Variants in RBMS3 observed in about 807,000 individuals in gnomAD.
RBMS3 encodes RNA-binding motif, single-stranded-interacting protein 3.
In RBMS3, 27 loss-of-function variants were observed where a neutral mutation model predicts 66.8. That is an observed-to-expected ratio of 0.40 (90% CI 0.30 to 0.56). The LOEUF (loss-of-function observed/expected upper bound fraction) is 0.56. Ranked by LOEUF, RBMS3 falls within the 20% of genes least tolerant of loss-of-function variation. RBMS3 has a pLI of 0.40. For missense variants in RBMS3, 513 were observed against 549.5 expected (o/e 0.93, Z 0.66); for synonymous variants, 188 against 183.0 (o/e 1.03, Z -0.22).
intron 1 of RBMS3, among the ~76,000 whole-genome samples, chr3:29,415,635 C>G (rs1197778542): frequency 6.6e-6 from 1 of 152,090 alleles, no homozygotes; most frequent in African/African-American, 2.4e-5. Flanking sequence ...AATTTGGAGA[C>G]AGTTACCTTA....
At chr3:29,438,468 C>T (rs2041485230) in intron 2 of RBMS3, among the ~76,000 whole-genome samples, 1 of 152,012 alleles carries the variant, frequency 6.6e-6, no homozygotes. Flanking sequence ...TGCATTATTT[C>T]TAAATATATA....
In RBMS3 at chr3:29,880,938, G is replaced by A. The variant is rs747868523; in HGVS notation, c.745-3224G>A. On this transcript the variant is annotated intron_variant, in intron 7 of 14. Transcript: ENST00000383767. ...ACTCATTCCTCTGGATTTACCCTCT[G>A]TTTTCCAGGGAGCTCATGCTAACTC... 80 of 1,074,608 alleles carry A rather than the reference G, an allele frequency of 7.4e-5. No homozygotes were observed. In the Middle Eastern group the frequency reaches 1.8e-3, roughly 24 times the overall value. The allele number at this position is 1,074,608 out of a possible 1,614,324, so 66.6% of individuals were successfully genotyped here.
At chr3:29,493,942 T>C (rs959683391) in intron 3 of RBMS3, among the ~76,000 whole-genome samples, 1 of 152,156 alleles carries the variant, frequency 6.6e-6, no homozygotes, top group African/African-American at 2.4e-5. Context: ...AGGACACAAA[T>C]TGGATTTGGT....
In RBMS3 at chr3:29,734,664, T is replaced by A. The variant is rs74622290; in HGVS notation, c.400-5056T>A. Among the ~76,000 whole-genome samples the A allele has an allele frequency of 2.9e-3, 442 of 152,204 alleles. 5 individuals carry two copies. The highest frequency in any genetic ancestry group is 0.01 in the African/African-American group (423 of 41,542). On this transcript the variant is annotated intron_variant, in intron 4 of 14. Transcript: ENST00000383767. Reference sequence around the variant, plus strand: ...GTAGGAATATATTCCCATAAAGCAGTTCTACTCAAAGTTTGTTACTTGATA... The same window carrying A: ...GTAGGAATATATTCCCATAAAGCAGATCTACTCAAAGTTTGTTACTTGATA...
At chr3:29,610,256 C>T (rs1446613306) in intron 4 of RBMS3, among the ~76,000 whole-genome samples, 1 of 151,982 alleles carries the variant, frequency 6.6e-6, no homozygotes, top group Non-Finnish European at 1.5e-5. Context: ...CAAACATCAG[C>T]TAGAAACAGT....
intron 6 of RBMS3, 105 bp downstream of exon 6, chr3:29,763,094 G>GTTTGCTT: frequency 1.4e-6 from 1 of 717,274 alleles, no homozygotes; most frequent in South Asian, 2.1e-5. Context: ...GAGTTGGGGG[G>GTTTGCTT]TTTGCTTTTC....
intron 4 of RBMS3, among the ~76,000 whole-genome samples, chr3:29,594,018 C>T (rs1353900399): frequency 1.3e-5 from 2 of 152,166 alleles, no homozygotes; most frequent in South Asian, 2.1e-4. Flanking sequence ...AATCACGTGA[C>T]ATTTGAACAT....
At chr3:29,462,383 G>A (rs1575886974) in intron 2 of RBMS3, among the ~76,000 whole-genome samples, 1 of 152,212 alleles carries the variant, frequency 6.6e-6, no homozygotes, top group East Asian at 1.9e-4. Context: ...CTGCTTTCTT[G>A]CATGTACATT....
intron 2 of RBMS3, among the ~76,000 whole-genome samples, chr3:29,451,726 T>G (rs2042023787): frequency 6.6e-6 from 1 of 152,184 alleles, no homozygotes; most frequent in East Asian, 1.9e-4. Flanking sequence ...TGCTTATTCA[T>G]TTATGCCTAC....
At chr3:29,521,247 C>T (rs568216930) in intron 3 of RBMS3, among the ~76,000 whole-genome samples, 4 of 152,278 alleles carry the variant, frequency 2.6e-5, no homozygotes, top group South Asian at 2.1e-4. Context: ...ACCCACAGAA[C>T]TTATGAACCC....
chr3:29,288,441 A>G (rs2032541858), intron 1 of RBMS3, among the ~76,000 whole-genome samples: 1 of 152,058 alleles, frequency 6.6e-6, no homozygotes, highest in African/African-American at 2.4e-5. Flanking sequence ...GGAGTGGAAC[A>G]AAATGACAGC....
At chr3:29,339,289 A>G (rs2036141598) in intron 1 of RBMS3, among the ~76,000 whole-genome samples, 1 of 152,184 alleles carries the variant, frequency 6.6e-6, no homozygotes, top group Admixed American at 6.6e-5. Context: ...GACAAATGGC[A>G]TTTACAAATG....
rs1372934249 is a variant in RBMS3, at chr3:29,372,343, A to T, written c.76-62400A>T. On this transcript the variant is annotated intron_variant, in intron 1 of 14. Transcript: ENST00000383767. ...GACTCTGTCTCAAAAAAAAAGAAAA[A>T]AGTTTACCAAAGCATTGATTTTATT... 4.6e-5 allele frequency among the ~76,000 whole-genome samples: 7 copies of T among 152,172 alleles called. No individual in the cohort carries two copies. The Middle Eastern group carries it at 0.01, about 222-fold the overall frequency.
intron 1 of RBMS3, among the ~76,000 whole-genome samples, chr3:29,363,516 G>A (rs1024444836): frequency 3.3e-5 from 5 of 152,238 alleles, no homozygotes; most frequent in East Asian, 1.9e-4. Flanking sequence ...TTTGCCGGGC[G>A]TGGTGGCTCA....
intron 1 of RBMS3, chr3:29,290,753 C>T (rs1215213494): frequency 6.6e-6 from 1 of 151,696 alleles, no homozygotes; most frequent in South Asian, 2.1e-4. Context: ...TGTTGTTGAG[C>T]TGGAAAAACA....
intron 10 of RBMS3, chr3:29,924,755 A>T (rs1018296614): frequency 6.6e-6 from 1 of 152,654 alleles, no homozygotes; most frequent in African/African-American, 2.4e-5. Context: ...GAATCGCTTG[A>T]ACCTGGGAGG....
At chr3:29,739,313 G>A (rs993126481) in intron 4 of RBMS3, among the ~76,000 whole-genome samples, 1 of 151,986 alleles carries the variant, frequency 6.6e-6, no homozygotes, top group Admixed American at 6.5e-5. Flanking sequence ...AAAATTAGCT[G>A]GGCGTGGTGG....
intron 3 of RBMS3, 125 bp from the exon 4 acceptor site, chr3:29,586,989 T>C (rs1306702598): frequency 1.3e-5 from 8 of 634,224 alleles, no homozygotes; most frequent in Non-Finnish European, 2.1e-5. Context: ...AAGAGCCTAA[T>C]GTTCAACCAG....
Position 29,579,129 on chromosome 3 carries a change from A to G in RBMS3, c.308-7985A>G, listed in dbSNP as rs546243745. ...ACATGCTTCCTAAAGGGGTTACCCC[A>G]TATGTAGAATTCACTTTTCTTCTTT... On this transcript the variant is annotated intron_variant, in intron 3 of 14. Transcript: ENST00000383767. Among the ~76,000 whole-genome samples the G allele has an allele frequency of 3.9e-5, 6 of 152,308 alleles. No individual in the cohort carries two copies. The South Asian group carries it at 1.2e-3, about 32-fold the overall frequency.
Sources: gnomAD v4.1 joint callset for allele counts (sites outside exome capture counted in the v4.1 genomes callset) on GRCh38, gnomAD v4.1.1 for gene constraint, MANE v1.5 for transcripts, NCBI Gene and HGNC (gene_info 2026-07-23, HGNC 2026-07-21) for gene names.